Variants in PPM1E observed in about 807,000 individuals in gnomAD.
PPM1E encodes protein phosphatase, Mg2+/Mn2+ dependent 1E, also known as protein phosphatase 1E.
PPM1E carries 20 observed loss-of-function variants against 65.9 expected under a neutral mutation model. That is an observed-to-expected ratio of 0.30 (90% CI 0.21 to 0.44). The LOEUF (loss-of-function observed/expected upper bound fraction) is 0.44. Among genes scored for constraint, PPM1E ranks in the 20% least tolerant of loss-of-function variants. PPM1E has a pLI of 1.00. For missense variants in PPM1E, 713 were observed against 953.1 expected (o/e 0.75, Z 3.32); for synonymous variants, 352 against 374.9 (o/e 0.94, Z 0.70).
At chr17:58,891,885 G>T (rs2051352173) in intron 1 of PPM1E, among the ~76,000 whole-genome samples, 3 of 136,248 alleles carry the variant, frequency 2.2e-5, no homozygotes. Context: ...ACCCAGGCTG[G>T]AGGGCAGTGG....
chr17:58,772,105 GTGTC>G (rs2049944781), intron 1 of PPM1E, among the ~76,000 whole-genome samples: 1 of 152,168 alleles, frequency 6.6e-6, no homozygotes, highest in African/African-American at 2.4e-5. Flanking sequence ...GAACTCAGGT[GTGTC>G]TGACTCCAAA....
At chr17:58,800,206 G>A (rs1245690971) in intron 1 of PPM1E, among the ~76,000 whole-genome samples, 1 of 151,760 alleles carries the variant, frequency 6.6e-6, no homozygotes, top group African/African-American at 2.4e-5. Context: ...ATCTGTTAAT[G>A]TGGTCATTAC....
At chr17:58,873,250 C>T (rs2051090889) in intron 1 of PPM1E, among the ~76,000 whole-genome samples, 3 of 152,062 alleles carry the variant, frequency 2.0e-5, no homozygotes, top group Admixed American at 2.0e-4. Flanking sequence ...CATATATATG[C>T]ACAGATTGAT....
At chr17:58,939,539 A>G (rs534184715) in intron 1 of PPM1E, among the ~76,000 whole-genome samples, 25 of 152,340 alleles carry the variant, frequency 1.6e-4, no homozygotes, top group Admixed American at 6.5e-4. Flanking sequence ...GAAAGTCAGT[A>G]TACACAGAAA....
intron 1 of PPM1E, among the ~76,000 whole-genome samples, chr17:58,793,975 C>T (rs1413866454): frequency 6.6e-6 from 1 of 152,238 alleles, no homozygotes; most frequent in Non-Finnish European, 1.5e-5. Context: ...TCCTGAGTAG[C>T]TGGGACTACA....
intron 1 of PPM1E, among the ~76,000 whole-genome samples, chr17:58,918,250 G>C (rs2051708057): frequency 6.6e-6 from 1 of 152,166 alleles, no homozygotes; most frequent in Non-Finnish European, 1.5e-5. Context: ...GCTGCCAACT[G>C]TATTGGAGGT....
intron 2 of PPM1E, among the ~76,000 whole-genome samples, chr17:58,959,630 G>T (rs1716968366): frequency 6.9e-6 from 1 of 145,248 alleles, no homozygotes; most frequent in African/African-American, 2.5e-5. Context: ...ACCTCCCAAA[G>T]TGCTGGGATT....
chr17:58,792,730 T>G (rs540958840), intron 1 of PPM1E, among the ~76,000 whole-genome samples: 11 of 145,426 alleles, frequency 7.6e-5, no homozygotes, highest in African/African-American at 1.6e-4. Context: ...TTTTATTTTA[T>G]AAGAATTTTA....
chr17:58,835,211 C>T (rs7207254), intron 1 of PPM1E, among the ~76,000 whole-genome samples: 12,653 of 152,020 alleles, frequency 0.083, 750 homozygotes, highest in South Asian at 0.27. Context: ...CATGGTGGCA[C>T]GTGCCTGTAG....
chr17:58,800,965 T>TA (rs1490597203), intron 1 of PPM1E, among the ~76,000 whole-genome samples: 1 of 152,182 alleles, frequency 6.6e-6, no homozygotes, highest in East Asian at 1.9e-4. Context: ...TCCTTTTATT[T>TA]ACTCTGGGTT....
chr17:58,909,611 C>T (rs898722501), intron 1 of PPM1E, among the ~76,000 whole-genome samples: 1 of 152,060 alleles, frequency 6.6e-6, no homozygotes, highest in Non-Finnish European at 1.5e-5. Flanking sequence ...TTTCTCTCAA[C>T]CCTTTTTTCA....
intron 1 of PPM1E, among the ~76,000 whole-genome samples, chr17:58,876,436 A>G (rs2051127392): frequency 2.6e-5 from 4 of 152,170 alleles, no homozygotes; most frequent in Admixed American, 2.6e-4. Context: ...CAAAATGTCA[A>G]TTACTAGGGA....
intron 1 of PPM1E, among the ~76,000 whole-genome samples, chr17:58,950,562 T>C (rs2052221811): frequency 6.6e-6 from 1 of 152,158 alleles, no homozygotes; most frequent in African/African-American, 2.4e-5. Context: ...CATAATGCAA[T>C]TATTTGTTTG....
rs534043994 is a variant in PPM1E, at chr17:58,938,877, C to T, written c.465-16772C>T. Among the ~76,000 whole-genome samples the T allele has an allele frequency of 2.7e-3, 402 of 151,446 alleles. 5 individuals are homozygous for T. Among genetic ancestry groups the T allele is most frequent in the African/African-American group, 9.2e-3 (381 of 41,212 alleles). ...GATCTTGACTCACTGCAACCTCCAC[C>T]TCCTGGATTCAAGCGATTCTTCTGC... On this transcript the variant is annotated intron_variant, in intron 1 of 6. Transcript: ENST00000308249.
At chr17:58,841,378 T>C (rs922459096) in intron 1 of PPM1E, among the ~76,000 whole-genome samples, 8 of 152,126 alleles carry the variant, frequency 5.3e-5, no homozygotes, top group African/African-American at 1.4e-4. Context: ...TCAAGCCAAG[T>C]GATTATGGTC....
rs577400534 is a variant in PPM1E at position 58,975,424 on chromosome 17, C to T, written c.1210+2499C>T. 6.5e-4 allele frequency among the ~76,000 whole-genome samples: 99 copies of T among 152,256 alleles called. 1 individual carries two copies. In the South Asian group the frequency reaches 9.9e-3, roughly 15 times the overall value. ...GGCCAAGGAGGGAGGAATGCCTGAG[C>T]CCAGGATTTTGAGACCAACCTGGGC... On this transcript the variant is annotated intron_variant, in intron 6 of 6. Coordinates refer to ENST00000308249, the MANE Select transcript of PPM1E (RefSeq NM_014906.5).
Position 58,761,369 on chromosome 17 carries a change from A to C in PPM1E, c.464+4908A>C, listed in dbSNP as rs1299923796. Among the ~76,000 whole-genome samples, 4 of 151,926 alleles carry C rather than the reference A, an allele frequency of 2.6e-5. No individual in the cohort carries two copies. In the East Asian group the frequency reaches 7.7e-4, roughly 29 times the overall value. On this transcript the variant is annotated intron_variant, in intron 1 of 6. Coordinates refer to ENST00000308249, the MANE Select transcript of PPM1E (RefSeq NM_014906.5). ...GGACCTCTCTTTGGACAAGTTTTTT[A>C]CTCCACATCCTTCATCACCTATCTC...
chr17:58,917,895 G>A (rs2051703705), intron 1 of PPM1E, among the ~76,000 whole-genome samples: 1 of 151,924 alleles, frequency 6.6e-6, no homozygotes, highest in Admixed American at 6.6e-5. Context: ...GAAAATCATG[G>A]TAAATTACTC....
chr17:58,876,744 G>T (rs996078479), intron 1 of PPM1E, among the ~76,000 whole-genome samples: 1 of 152,150 alleles, frequency 6.6e-6, no homozygotes, highest in Non-Finnish European at 1.5e-5. Flanking sequence ...TTCAGGAAGT[G>T]GCTGTAAAAA....
Sources: gnomAD v4.1 joint callset for allele counts (sites outside exome capture counted in the v4.1 genomes callset) on GRCh38, gnomAD v4.1.1 for gene constraint, MANE v1.5 for transcripts, NCBI Gene and HGNC (gene_info 2026-07-23, HGNC 2026-07-21) for gene names.